Variants in SKAP2 observed in about 807,000 individuals in gnomAD.
The protein encoded by SKAP2 is src kinase-associated phosphoprotein 2.
SKAP2 carries 28 observed loss-of-function variants against 54.9 expected under a neutral mutation model. That is an observed-to-expected ratio of 0.51 (90% confidence interval 0.38 to 0.70). SKAP2 has a LOEUF of 0.70. SKAP2 is among the 30% of genes least tolerant of loss of function. The pLI, the probability that SKAP2 is intolerant of heterozygous loss-of-function variation, is 0.00. For synonymous variants in SKAP2, 137 were observed against 134.3 expected, an observed-to-expected ratio of 1.02 and a Z score of -0.14; for missense variants, 356 against 424.1, an observed-to-expected ratio of 0.84 and a Z score of 1.41.
chr7:26,795,155 A>G (rs78073105), intron 4 of SKAP2, among the ~76,000 whole-genome samples: 3 of 152,384 alleles, frequency 2.0e-5, no homozygotes, highest in South Asian at 4.1e-4. Context: ...CTTGCTACAC[A>G]GTATTTGCTT....
At chr7:26,740,711 C>T (rs372932676) in intron 4 of SKAP2, among the ~76,000 whole-genome samples, 10 of 152,144 alleles carry the variant, frequency 6.6e-5, no homozygotes, top group African/African-American at 2.2e-4. Flanking sequence ...ATCTGCCGGG[C>T]GCAGTGGCTC....
intron 4 of SKAP2, among the ~76,000 whole-genome samples, chr7:26,821,209 G>T (rs1463036583): frequency 6.6e-6 from 1 of 151,896 alleles, no homozygotes; most frequent in African/African-American, 2.4e-5. Flanking sequence ...TAAGTTGCCA[G>T]GACAAGACAT....
At chr7:26,688,435 T>C (rs889518455) in intron 10 of SKAP2, among the ~76,000 whole-genome samples, 2 of 152,172 alleles carry the variant, frequency 1.3e-5, no homozygotes, top group African/African-American at 4.8e-5. Flanking sequence ...CAATGTGAAA[T>C]ATATATAACA....
At chr7:26,783,239 A>G (rs1229586242) in intron 4 of SKAP2, among the ~76,000 whole-genome samples, 1 of 152,094 alleles carries the variant, frequency 6.6e-6, no homozygotes, top group Non-Finnish European at 1.5e-5. Context: ...CTCCTCTCCA[A>G]GTCAATCACC....
chr7:26,756,705 T>C (rs1021736976), intron 4 of SKAP2, among the ~76,000 whole-genome samples: 8 of 152,314 alleles, frequency 5.3e-5, no homozygotes, highest in Non-Finnish European at 8.8e-5. Context: ...AGTAATGGGA[T>C]GGCTGAGTCA....
chr7:26,771,580 C>G (rs1301949250), intron 4 of SKAP2, among the ~76,000 whole-genome samples: 1 of 152,050 alleles, frequency 6.6e-6, no homozygotes, highest in African/African-American at 2.4e-5. Context: ...TATATACTTA[C>G]ATAATTTAAT....
intron 4 of SKAP2, among the ~76,000 whole-genome samples, chr7:26,822,164 G>GTATT (rs1163083930): frequency 2.6e-5 from 4 of 152,106 alleles, no homozygotes; most frequent in Non-Finnish European, 5.9e-5. Flanking sequence ...TTACCCATCT[G>GTATT]TATTTATACA....
chr7:26,739,327 G>C (rs2127961269), intron 5 of SKAP2, among the ~76,000 whole-genome samples: 1 of 152,320 alleles, frequency 6.6e-6, no homozygotes, highest in South Asian at 2.1e-4. Context: ...GAGATAAGCA[G>C]AATGGTAATG....
At chr7:26,744,323 T>C (rs1357533847) in intron 4 of SKAP2, among the ~76,000 whole-genome samples, 1 of 152,170 alleles carries the variant, frequency 6.6e-6, no homozygotes, top group East Asian at 1.9e-4. Flanking sequence ...TGGTAGGAAG[T>C]ATCACTTAGT....
intron 3 of SKAP2, among the ~76,000 whole-genome samples, chr7:26,846,075 C>G (rs150213578): frequency 7.2e-5 from 11 of 152,238 alleles, no homozygotes; most frequent in Non-Finnish European, 1.5e-4. Context: ...AAGAAATTCT[C>G]AGTTACTCTT....
At chr7:26,654,788 T>C in the SKAP2 span, among the ~76,000 whole-genome samples, 1 of 152,208 alleles carries the variant, frequency 6.6e-6, no homozygotes, top group Non-Finnish European at 1.5e-5. Flanking sequence ...AAGCAATAGT[T>C]TTTAATTGAG....
intron 9 of SKAP2, among the ~76,000 whole-genome samples, chr7:26,700,660 C>T (rs984488680): frequency 7.2e-5 from 11 of 152,162 alleles, no homozygotes; most frequent in African/African-American, 1.9e-4. Context: ...CTGAAGAGTC[C>T]GCCTAGCCTA....
At chr7:26,856,972 GAA>G (rs76065541) in intron 1 of SKAP2, among the ~76,000 whole-genome samples, 9 of 99,684 alleles carry the variant, frequency 9.0e-5, no homozygotes, top group African/African-American at 1.5e-4. Context: ...TAAAAATTCA[GAA>G]AAAAAAAAAA....
chr7:26,833,266 G>A (rs1251205895), intron 4 of SKAP2, among the ~76,000 whole-genome samples: 6 of 151,938 alleles, frequency 3.9e-5, no homozygotes, highest in African/African-American at 1.5e-4. Context: ...AGTGGTGGCA[G>A]GCACCTGTAG....
At chr7:26,747,588 G>GT (rs1782584240) in intron 4 of SKAP2, among the ~76,000 whole-genome samples, 1 of 152,068 alleles carries the variant, frequency 6.6e-6, no homozygotes, top group African/African-American at 2.4e-5. Flanking sequence ...GCCTTCAATA[G>GT]GTCTATTTAG....
intron 9 of SKAP2, among the ~76,000 whole-genome samples, chr7:26,710,686 G>A (rs1787281250): frequency 6.6e-6 from 1 of 152,134 alleles, no homozygotes; most frequent in Non-Finnish European, 1.5e-5. Context: ...GAATGCCAAG[G>A]TAACAAATAC....
At chr7:26,812,567 A>G (rs1166264879) in intron 4 of SKAP2, among the ~76,000 whole-genome samples, 1 of 152,200 alleles carries the variant, frequency 6.6e-6, no homozygotes, top group Non-Finnish European at 1.5e-5. Context: ...AATCTTACAG[A>G]TGCCATTTCA....
chr7:26,835,063 T>TC (rs1393680023), intron 4 of SKAP2, among the ~76,000 whole-genome samples: 1 of 152,122 alleles, frequency 6.6e-6, no homozygotes, highest in Non-Finnish European at 1.5e-5. Flanking sequence ...ATAAACATAA[T>TC]CCATCACATA....
At chr7:26,811,401 A>T (rs1056080407) in intron 4 of SKAP2, among the ~76,000 whole-genome samples, 3 of 152,132 alleles carry the variant, frequency 2.0e-5, no homozygotes, top group Admixed American at 2.0e-4. Flanking sequence ...TGAACAAATT[A>T]AAAAATCCCA....
Sources: allele counts gnomAD v4.1 joint callset (sites outside exome capture counted in the v4.1 genomes callset), GRCh38; gene constraint gnomAD v4.1.1; transcripts MANE v1.5; gene names NCBI Gene and HGNC (gene_info 2026-07-23, HGNC 2026-07-21).